Variants in KIF26B observed in about 807,000 individuals in gnomAD.
KIF26B encodes kinesin family member 26B.
In KIF26B, 63 loss-of-function variants were observed where a neutral mutation model predicts 151.2. The observed-to-expected ratio is 0.42, with a 90% CI of 0.34 to 0.51. The LOEUF (loss-of-function observed/expected upper bound fraction) is 0.51. Among genes scored for constraint, KIF26B ranks in the 20% least tolerant of loss-of-function variants. The pLI is 0.07. For missense variants in KIF26B, 2,813 were observed against 2,913.6 expected (o/e 0.97, Z 0.79); for synonymous variants, 1,357 against 1,262.1 (o/e 1.08, Z -1.59).
At chr1:245,624,299 A>G (rs2043699205) in intron 9 of KIF26B, among the ~76,000 whole-genome samples, 1 of 152,164 alleles carries the variant, frequency 6.6e-6, no homozygotes, top group Non-Finnish European at 1.5e-5. Context: ...AAAAAAAAGA[A>G]AAACTGGAAT....
At chr1:245,648,512 G>T (rs2043977988) in intron 10 of KIF26B, among the ~76,000 whole-genome samples, 1 of 151,958 alleles carries the variant, frequency 6.6e-6, no homozygotes, top group African/African-American at 2.4e-5. Flanking sequence ...TTGCATGGTT[G>T]TAGTCCCAGC....
chr1:245,678,352 C>T (rs900100123), intron 10 of KIF26B, among the ~76,000 whole-genome samples: 5 of 151,992 alleles, frequency 3.3e-5, no homozygotes, highest in Non-Finnish European at 5.9e-5. Context: ...CATCTCTCTA[C>T]GACGCGTTCT....
intron 2 of KIF26B, among the ~76,000 whole-genome samples, chr1:245,254,307 T>C (rs1479882244): frequency 1.3e-5 from 2 of 152,166 alleles, no homozygotes; most frequent in Non-Finnish European, 2.9e-5. Flanking sequence ...GGTAGACATA[T>C]AGTAATTTCT....
At chr1:245,316,288 A>AT (rs1342508659) in intron 2 of KIF26B, among the ~76,000 whole-genome samples, 36 of 151,784 alleles carry the variant, frequency 2.4e-4, no homozygotes, top group South Asian at 6.3e-4. Context: ...TGCCTGGCTA[A>AT]TTTTTTTGTA....
chr1:245,230,694 G>A (rs1383194343), intron 2 of KIF26B, among the ~76,000 whole-genome samples: 1 of 151,344 alleles, frequency 6.6e-6, no homozygotes, highest in East Asian at 1.9e-4. Context: ...GGTGAGCCAA[G>A]ATTGCGCCAT....
chr1:245,471,146 T>TATATATATATATATA (rs1558179431), intron 4 of KIF26B, among the ~76,000 whole-genome samples: 1 of 151,710 alleles, frequency 6.6e-6, no homozygotes. Flanking sequence ...TATATATATA[T>TATATATATATATATA]TTGAGAAGGA....
intron 5 of KIF26B, among the ~76,000 whole-genome samples, chr1:245,552,139 G>A (rs927046301): frequency 2.9e-4 from 44 of 150,118 alleles, no homozygotes; most frequent in African/African-American, 8.6e-4. Flanking sequence ...GTGTGTGTGT[G>A]TGTGTGTGTG....
At chr1:245,183,579 T>C (rs891024370) in intron 2 of KIF26B, among the ~76,000 whole-genome samples, 1 of 152,212 alleles carries the variant, frequency 6.6e-6, no homozygotes, top group Non-Finnish European at 1.5e-5. Flanking sequence ...ACAAAGCATA[T>C]GTAGTGGCCG....
At chr1:245,682,350 T>C (rs1182627960) in intron 10 of KIF26B, among the ~76,000 whole-genome samples, 1 of 152,252 alleles carries the variant, frequency 6.6e-6, no homozygotes, top group Non-Finnish European at 1.5e-5. Flanking sequence ...ATTTACAAAT[T>C]CAGTGTTCAC....
At chr1:245,465,078 A>C (rs1306880423) in intron 4 of KIF26B, among the ~76,000 whole-genome samples, 1 of 147,076 alleles carries the variant, frequency 6.8e-6, no homozygotes, top group Non-Finnish European at 1.5e-5. Flanking sequence ...TCCCGGGTTC[A>C]CGCCATTCTC....
At position 245,688,409 on chromosome 1, in the gene KIF26B, C is replaced by T. The variant is rs186893692; in HGVS notation, c.5426C>T (p.Ser1809Leu). The T allele has an allele frequency of 3.3e-6, 5 of 1,503,594 alleles. No homozygotes were observed. The South Asian group carries it at 3.8e-5, about 11-fold the overall frequency. The allele number at this position is 1,503,594 out of a possible 1,614,324, so 93.1% of individuals were successfully genotyped here. Residue 1809 changes from serine (S) to leucine (L), a missense_variant, in exon 12 of 15, where the codon TCG (serine) becomes TTG (leucine). By Grantham distance (145) the Ser-to-Leu change is moderately radical. This residue lies in a region of KIF26B where 2,060 missense variants were observed against 2,088.6 expected (regional missense o/e 0.99). Transcript: ENST00000407071. Reference sequence around the variant, plus strand: ...CTGCGGGCCGTCAGCGGGCGCATCTCGGAGCTGCTGCAGGGTGGCGCGGGC... The same window carrying T: ...CTGCGGGCCGTCAGCGGGCGCATCTTGGAGCTGCTGCAGGGTGGCGCGGGC... ...LPLRAVSGRI[S>L]ELLQGGAGAR... is the part of the protein sequence containing the mutation.
chr1:245,414,886 G>A (rs2103033637), intron 3 of KIF26B, among the ~76,000 whole-genome samples: 1 of 152,322 alleles, frequency 6.6e-6, no homozygotes, highest in South Asian at 2.1e-4. Flanking sequence ...TGGTGCTCAG[G>A]TTATTCAGTA....
chr1:245,593,418 A>G (rs955601125), intron 5 of KIF26B, among the ~76,000 whole-genome samples: 17 of 151,908 alleles, frequency 1.1e-4, no homozygotes, highest in Non-Finnish European at 2.4e-4. Context: ...GAGAACATGC[A>G]GTGTTTGGTT....
chr1:245,480,053 C>T (rs907421789), intron 4 of KIF26B, among the ~76,000 whole-genome samples: 1 of 151,736 alleles, frequency 6.6e-6, no homozygotes, highest in African/African-American at 2.4e-5. Flanking sequence ...CGCTTGAGCC[C>T]AGGAGTTTAG....
chr1:245,205,923 A>G (rs1414634429), intron 2 of KIF26B, among the ~76,000 whole-genome samples: 2 of 150,302 alleles, frequency 1.3e-5, no homozygotes, highest in Non-Finnish European at 3.0e-5. Context: ...TTTTTTAAAG[A>G]GATGGGGTCT....
intron 3 of KIF26B, among the ~76,000 whole-genome samples, chr1:245,397,713 A>G (rs986744464): frequency 2.0e-5 from 3 of 152,216 alleles, no homozygotes; most frequent in African/African-American, 2.4e-5. Context: ...GCTGGATCAG[A>G]CAGAGAAAAC....
intron 4 of KIF26B, among the ~76,000 whole-genome samples, chr1:245,458,817 G>T (rs1220129383): frequency 6.6e-6 from 1 of 152,206 alleles, no homozygotes; most frequent in African/African-American, 2.4e-5. Context: ...CAATTTCAGA[G>T]AAAATGCTAC....
chr1:245,494,534 G>C (rs1246705820), intron 4 of KIF26B, among the ~76,000 whole-genome samples: 2 of 152,120 alleles, frequency 1.3e-5, no homozygotes, highest in Non-Finnish European at 2.9e-5. Flanking sequence ...ACTGAAGAAA[G>C]ATGGGAGTCT....
At chr1:245,441,321 AAAAC>A (rs1214151421) in intron 4 of KIF26B, among the ~76,000 whole-genome samples, 9 of 152,346 alleles carry the variant, frequency 5.9e-5, no homozygotes, top group Non-Finnish European at 5.9e-5. Flanking sequence ...GATTTTGTTT[AAAAC>A]AAACAAACAA....
Sources: gnomAD v4.1 joint callset for allele counts (sites outside exome capture counted in the v4.1 genomes callset) on GRCh38, gnomAD v4.1.1 for gene constraint, gnomAD v4.1.1 regional missense constraint, MANE v1.5 for transcripts, NCBI Gene and HGNC (gene_info 2026-07-23, HGNC 2026-07-21) for gene names.